ANKRD10: variants seen among roughly 807,000 people sequenced by gnomAD.
The protein encoded by ANKRD10 is ankyrin repeat domain-containing protein 10.
In ANKRD10, 14 loss-of-function variants were observed where a neutral mutation model predicts 27.0. That is an observed-to-expected ratio of 0.52 (90% CI 0.34 to 0.81). The LOEUF is 0.81. Among genes scored for constraint, ANKRD10 ranks in the 40% least tolerant of loss-of-function variants. The pLI, the probability that ANKRD10 is intolerant of heterozygous loss-of-function variation, is 0.01. For missense variants in ANKRD10, 493 were observed against 544.0 expected (o/e 0.91, Z 0.93); for synonymous variants, 250 against 224.5 (o/e 1.11, Z -1.01).
chr13:110,893,399 GTTAAT>G (rs1566463788), intron 3 of ANKRD10, 136 bp from the exon 4 acceptor site: 3 of 785,916 alleles, frequency 3.8e-6, no homozygotes, highest in East Asian at 5.4e-5. Context: ...TAAAGAAGTA[GTTAAT>G]CAATCTAGCT....
rs1326344699 is a variant in ANKRD10, at chr13:110,914,907, C to T, written c.28G>A (p.Val10Ile). The change falls in exon 1 of 6, where the codon GTA becomes ATA. Residue 10 changes from valine to isoleucine, a missense_variant. By Grantham distance (29) the Val-to-Ile change is conservative. Coordinates refer to ENST00000267339, the MANE Select transcript of ANKRD10 (RefSeq NM_017664.4). ...TCCTCGCTGGAGAAGCCCGCCTCTA[C>T]GCCCGCGCCCGCTCCCGCCGCCGAC... MSAAGAGAG[V>I]EAGFSSEELL... 2 of 1,536,420 alleles carry T rather than the reference C, an allele frequency of 1.3e-6. No individual in the cohort carries two copies. Among genetic ancestry groups the T allele is most frequent in the Middle Eastern group, 2.3e-4 (1 of 4,426 alleles).
rs750882406 is a variant in ANKRD10 at position 110,880,081 on chromosome 13, T to C, written c.819A>G (p.Thr273=). 2 of 1,614,184 alleles carry C rather than the reference T, an allele frequency of 1.2e-6. No individual in the cohort carries two copies. Among genetic ancestry groups the C allele is most frequent in the East Asian group, 2.2e-5 (1 of 44,888 alleles). Residue 273 remains threonine (T), a synonymous_variant, in exon 6 of 6, where the codon ACA becomes ACG. Transcript: ENST00000267339. ...CATTGATGACACATCCATTTGTCAA[T>C]GTATTCGATACGGAGCTACTGTTTT... ...DMKNSSSVSN[T]LTNGCVINGH...
At position 110,879,946 on chromosome 13, in the gene ANKRD10, C is replaced by G; in HGVS notation, c.954G>C (p.Pro318=). ...AGAGAGAACCCTGGCTACTCGGAAA[C>G]GGCTGTCCTGGGGCTAATCCACTGC... The part of the protein sequence containing the change: ...GISSGLAPGQ[P]FPSSQGSLCI... The change falls in exon 6 of 6, where the codon CCG becomes CCC. Residue 318 remains proline, a synonymous_variant. Transcript: ENST00000267339. The G allele has an allele frequency of 6.2e-7, 1 of 1,614,218 alleles. No individual in the cohort carries two copies. The highest frequency in any genetic ancestry group is 8.5e-7 in the Non-Finnish European group (1 of 1,180,040).
intron 4 of ANKRD10, among the ~76,000 whole-genome samples, chr13:110,888,856 A>G (rs1380555849): frequency 1.3e-5 from 2 of 152,208 alleles, no homozygotes; most frequent in African/African-American, 4.8e-5. Context: ...GATCAGTAAT[A>G]TGCCTATGTG....
intron 4 of ANKRD10, 90 bp from the exon 5 acceptor site, chr13:110,883,883 C>G: frequency 1.5e-6 from 2 of 1,366,070 alleles, no homozygotes; most frequent in Non-Finnish European, 2.0e-6. Flanking sequence ...TGTGTGAGCA[C>G]TGAACACTTT....
At chr13:110,885,687 C>A (rs1200165508) in intron 4 of ANKRD10, among the ~76,000 whole-genome samples, 1 of 152,164 alleles carries the variant, frequency 6.6e-6, no homozygotes, top group African/African-American at 2.4e-5. Flanking sequence ...AACCTGCAGC[C>A]AAGAGCGGGT....
rs562421799 is a variant in ANKRD10, at chr13:110,908,051, T to C, written c.364-1927A>G. Among the ~76,000 whole-genome samples, 15 of 151,786 alleles carry C rather than the reference T, an allele frequency of 9.9e-5. 1 individual carries two copies. In the South Asian group the frequency reaches 2.5e-3, roughly 25 times the overall value. Reference sequence around the variant, plus strand: ...AAGGCCCGGACATCCTGAGAGAAGGTAGCCAAGAGAAAAGATACGTAAGAC... The same window carrying C: ...AAGGCCCGGACATCCTGAGAGAAGGCAGCCAAGAGAAAAGATACGTAAGAC... On this transcript the variant is annotated intron_variant, in intron 2 of 5. Transcript: ENST00000267339.
rs1410049028 is a variant in ANKRD10 at position 110,880,060 on chromosome 13, G to A, written c.840C>T (p.Ile280=). 2 of 1,613,990 alleles carry A rather than the reference G, an allele frequency of 1.2e-6. No homozygotes were observed. The highest frequency in any genetic ancestry group is 1.1e-5 in the South Asian group (1 of 91,078). ...TGGAGGGGAAGTCCAAATGTCCATT[G>A]ATGACACATCCATTTGTCAATGTAT... ...VSNTLTNGCV[I]NGHLDFPSTT... is the part of the protein sequence containing the mutation. The change falls in exon 6 of 6, where the codon ATC becomes ATT. Residue 280 remains isoleucine, a synonymous_variant. Coordinates refer to ENST00000267339, the MANE Select transcript of ANKRD10 (RefSeq NM_017664.4).
intron 4 of ANKRD10, among the ~76,000 whole-genome samples, chr13:110,885,193 A>G (rs1049948635): frequency 5.3e-5 from 8 of 152,082 alleles, no homozygotes; most frequent in African/African-American, 1.9e-4. Flanking sequence ...CACTTTCACT[A>G]TGACTCAGGC....
At chr13:110,889,360 T>C (rs1050475116) in intron 4 of ANKRD10, among the ~76,000 whole-genome samples, 1 of 152,176 alleles carries the variant, frequency 6.6e-6, no homozygotes, top group African/African-American at 2.4e-5. Flanking sequence ...CAAGATACTT[T>C]CCATCAAAAC....
chr13:110,893,114 A>G lies in ANKRD10; in HGVS notation c.605T>C (p.Phe202Ser). 6.2e-7 allele frequency: 1 copy of G among 1,614,222 alleles called. No homozygotes were observed. Among genetic ancestry groups the G allele is most frequent in the Non-Finnish European group, 8.5e-7 (1 of 1,180,030 alleles). ...GILNGGHQNV[F>S]PNHISVGTNR... ...TGTTCCCACACTAATATGATTAGGA[A>G]ATACATTCTGATGACCCCCATTTAA... is the stretch of plus-strand genomic sequence containing the variant. The change falls in exon 4 of 6, where the codon TTT becomes TCT. Residue 202 changes from phenylalanine to serine, a missense_variant. Transcript: ENST00000267339.
At chr13:110,908,979 T>C (rs2065616294) in intron 2 of ANKRD10, among the ~76,000 whole-genome samples, 1 of 151,906 alleles carries the variant, frequency 6.6e-6, no homozygotes, top group Non-Finnish European at 1.5e-5. Flanking sequence ...AGAAGCAGAG[T>C]GCGGTAGAAG....
intron 4 of ANKRD10, among the ~76,000 whole-genome samples, chr13:110,887,764 T>C (rs2064970908): frequency 6.6e-6 from 1 of 152,152 alleles, no homozygotes; most frequent in Admixed American, 6.5e-5. Flanking sequence ...TGCCTCTAGG[T>C]GCTGTGTGGA....
chr13:110,889,236 CATCA>C (rs760570904), intron 4 of ANKRD10, among the ~76,000 whole-genome samples: 12 of 152,160 alleles, frequency 7.9e-5, no homozygotes, highest in Non-Finnish European at 1.5e-4. Context: ...GAAGCCCATG[CATCA>C]TACCATCAGA....
chr13:110,906,653 G>A (rs2065546291), intron 2 of ANKRD10, among the ~76,000 whole-genome samples: 1 of 152,068 alleles, frequency 6.6e-6, no homozygotes, highest in South Asian at 2.1e-4. Context: ...TAGACAAGAT[G>A]GCTTGAGGTT....
At position 110,879,925 on chromosome 13, in the gene ANKRD10, A is replaced by T; in HGVS notation, c.975T>A (p.Ser325=). The change falls in exon 6 of 6, where the codon TCT becomes TCA. Residue 325 remains serine, a synonymous_variant. Coordinates refer to ENST00000267339, the MANE Select transcript of ANKRD10 (RefSeq NM_017664.4). ...PGQPFPSSQG[S]LCISGTEEPE... ...GCTCCTCAGTCCCACTAATGCAGAGAGAACCCTGGCTACTCGGAAACGGCT... is the reference window on the plus strand; with the variant it reads ...GCTCCTCAGTCCCACTAATGCAGAGTGAACCCTGGCTACTCGGAAACGGCT... 6.2e-7 allele frequency: 1 copy of T among 1,614,182 alleles called. No homozygotes were observed.
intron 5 of ANKRD10, 106 bp from the exon 6 acceptor site, chr13:110,880,218 T>G (rs1257850754): frequency 9.9e-7 from 1 of 1,010,362 alleles, no homozygotes; most frequent in Non-Finnish European, 1.4e-6. Flanking sequence ...TAGTTTCTTT[T>G]TTTTCCTTTT....
At chr13:110,907,615 A>G (rs1345511163) in intron 2 of ANKRD10, among the ~76,000 whole-genome samples, 1 of 152,228 alleles carries the variant, frequency 6.6e-6, no homozygotes, top group Non-Finnish European at 1.5e-5. Flanking sequence ...ACAAAGGTCT[A>G]AAGAGACTAT....
At chr13:110,909,034 G>C (rs2065618539) in intron 2 of ANKRD10, among the ~76,000 whole-genome samples, 1 of 152,106 alleles carries the variant, frequency 6.6e-6, no homozygotes, top group African/African-American at 2.4e-5. Context: ...GAAGGTGGGA[G>C]ACCCAGCAGC....
Sources: gnomAD v4.1 joint callset for allele counts (sites outside exome capture counted in the v4.1 genomes callset) on GRCh38, gnomAD v4.1.1 for gene constraint, MANE v1.5 for transcripts, NCBI Gene and HGNC (gene_info 2026-07-23, HGNC 2026-07-21) for gene names.